Variants in HFM1 observed in about 807,000 individuals in gnomAD.
The protein encoded by HFM1 is helicase for meiosis 1.
Under a neutral mutation model 192.1 loss-of-function variants are expected in HFM1, and 169 were observed. The observed-to-expected ratio is 0.88, with a 90% CI of 0.78 to 1.00. The LOEUF is 1.00. Among genes scored for constraint, HFM1 ranks in the 50% least tolerant of loss-of-function variants. The probability of loss-of-function intolerance (pLI) is 0.00; values close to 1 mark genes in which losing one functional copy is unlikely to be tolerated. For synonymous variants in HFM1, 525 were observed against 537.8 expected (o/e 0.98, Z 0.33); for missense variants, 1,661 against 1,668.0 (o/e 1.00, Z 0.07).
intron 30 of HFM1, among the ~76,000 whole-genome samples, chr1:91,297,370 G>C (rs1238191874): frequency 6.6e-6 from 1 of 152,150 alleles, no homozygotes; most frequent in East Asian, 1.9e-4. Context: ...TACGGGCAGG[G>C]CATAGCCAAA....
intron 18 of HFM1, among the ~76,000 whole-genome samples, chr1:91,348,135 T>C (rs890181062): frequency 1.3e-5 from 2 of 152,138 alleles, no homozygotes; most frequent in African/African-American, 2.4e-5. Flanking sequence ...TATGTGTGTA[T>C]AAACACATAT....
chr1:91,302,500 C>A (rs1053086727), intron 30 of HFM1, among the ~76,000 whole-genome samples: 41 of 151,886 alleles, frequency 2.7e-4, no homozygotes, highest in African/African-American at 9.4e-4. Flanking sequence ...TTATTGTGGC[C>A]CTATTCACAA....
intron 11 of HFM1, among the ~76,000 whole-genome samples, chr1:91,376,044 C>T (rs905467955): frequency 2.0e-5 from 3 of 151,962 alleles, no homozygotes; most frequent in Non-Finnish European, 2.9e-5. Context: ...AAATTTCTCA[C>T]TATTATTTTA....
intron 13 of HFM1, among the ~76,000 whole-genome samples, chr1:91,361,811 C>T: frequency 6.6e-6 from 1 of 152,112 alleles, no homozygotes; most frequent in East Asian, 1.9e-4. Flanking sequence ...CAATAAAATA[C>T]TGGCAAACTG....
intron 13 of HFM1, among the ~76,000 whole-genome samples, chr1:91,365,390 TGA>T (rs1659161558): frequency 6.6e-6 from 1 of 151,810 alleles, no homozygotes; most frequent in South Asian, 2.1e-4. Context: ...CTATGTGAGA[TGA>T]GAGATATATT....
chr1:91,392,553 A>C lies in HFM1; in HGVS notation c.494+1540T>G, dbSNP rs551838515. Among the ~76,000 whole-genome samples, 7 of 152,180 alleles carry C rather than the reference A, an allele frequency of 4.6e-5. No homozygotes were observed. In the East Asian group the frequency reaches 1.4e-3, roughly 29 times the overall value. ...TAGATGGGAATTGAACAATGAGAAC[A>C]CTTGCATACAGGGTGGGGAACATCA... On this transcript the variant is annotated intron_variant, in intron 4 of 38. Transcript: ENST00000370425.
intron 7 of HFM1, among the ~76,000 whole-genome samples, chr1:91,380,526 G>T (rs1045427331): frequency 6.6e-6 from 1 of 152,092 alleles, no homozygotes; most frequent in African/African-American, 2.4e-5. Flanking sequence ...AGCCAAGGAA[G>T]GCAGATCACT....
At chr1:91,350,683 T>A (rs964946307) in intron 18 of HFM1, 55 bp downstream of exon 18, 2 of 1,551,920 alleles carry the variant, frequency 1.3e-6, no homozygotes, top group African/African-American at 1.4e-5. Context: ...TTAGTATAAA[T>A]ACAGGCCTAG....
chr1:91,388,408 G>T (rs1395835720), intron 4 of HFM1, among the ~76,000 whole-genome samples: 1 of 152,126 alleles, frequency 6.6e-6, no homozygotes, highest in Non-Finnish European at 1.5e-5. Context: ...ATGCCAAGTT[G>T]GTGTCAGAGA....
At chr1:91,396,262 T>C in intron 3 of HFM1, 31 bp downstream of exon 3, 1 of 1,103,312 alleles carries the variant, frequency 9.1e-7, no homozygotes, top group Non-Finnish European at 1.4e-6. Flanking sequence ...CTGTATGGGT[T>C]TGGCTTCAAA....
At chr1:91,350,608 G>T in intron 18 of HFM1, 130 bp downstream of exon 18, 5 of 681,980 alleles carry the variant, frequency 7.3e-6, no homozygotes, top group East Asian at 3.2e-5. Flanking sequence ...AAATGTATTT[G>T]GGACTGTTGT....
intron 1 of HFM1, 101 bp from the exon 2 acceptor site, chr1:91,401,210 C>T (rs999721333): frequency 1.2e-5 from 7 of 595,892 alleles, no homozygotes; most frequent in African/African-American, 7.9e-5. Flanking sequence ...TAAAATATAA[C>T]CACAGACTAT....
At chr1:91,272,938 C>T (rs1343271657) in intron 34 of HFM1, among the ~76,000 whole-genome samples, 1 of 151,842 alleles carries the variant, frequency 6.6e-6, no homozygotes, top group East Asian at 1.9e-4. Context: ...TTTCAGAAAA[C>T]CCCAAGCTTA....
chr1:91,286,398 T>C (rs889521592), intron 30 of HFM1, among the ~76,000 whole-genome samples: 18 of 152,204 alleles, frequency 1.2e-4, no homozygotes, highest in African/African-American at 4.3e-4. Flanking sequence ...CCTCAACTCT[T>C]CCAGTTTCTG....
intron 30 of HFM1, among the ~76,000 whole-genome samples, chr1:91,300,273 G>C (rs1408350691): frequency 6.6e-6 from 1 of 152,160 alleles, no homozygotes; most frequent in South Asian, 2.1e-4. Flanking sequence ...AACAGGCTCA[G>C]AAATTGAGGC....
chr1:91,336,047 T>C (rs1654526911), intron 20 of HFM1, among the ~76,000 whole-genome samples: 1 of 149,220 alleles, frequency 6.7e-6, no homozygotes, highest in African/African-American at 2.5e-5. Flanking sequence ...GAGGCTAAAA[T>C]CCCTCCTGCC....
chr1:91,350,916 A>C, intron 17 of HFM1, 45 bp from the exon 18 acceptor site: 2 of 1,478,920 alleles, frequency 1.4e-6, no homozygotes, highest in South Asian at 2.7e-5. Flanking sequence ...GTTCAATGCC[A>C]TAACTCTTAC....
chr1:91,328,425 C>A (rs1653259854), intron 20 of HFM1: 1 of 1,606,248 alleles, frequency 6.2e-7, no homozygotes. Context: ...ATGTGGCCCC[C>A]AGTGCCACCC....
At chr1:91,367,269 C>G (rs1286495747) in intron 13 of HFM1, among the ~76,000 whole-genome samples, 1 of 152,164 alleles carries the variant, frequency 6.6e-6, no homozygotes, top group Non-Finnish European at 1.5e-5. Context: ...GTGGTTCTCC[C>G]AGCACGCAGC....
Sources: allele counts gnomAD v4.1 joint callset (sites outside exome capture counted in the v4.1 genomes callset), GRCh38; gene constraint gnomAD v4.1.1; transcripts MANE v1.5; gene names NCBI Gene and HGNC (gene_info 2026-07-23, HGNC 2026-07-21).